Variants in GRID2 observed in about 807,000 individuals in gnomAD.
The protein encoded by GRID2 is glutamate ionotropic receptor delta type subunit 2, also known as glutamate receptor ionotropic, delta-2.
In GRID2, 33 loss-of-function variants were observed where a neutral mutation model predicts 114.8. The ratio of observed to expected loss-of-function variants is 0.29; its 90% CI spans 0.22 to 0.38. The LOEUF (loss-of-function observed/expected upper bound fraction) is 0.38, where lower values mean the gene tolerates loss of function less well. Among genes scored for constraint, GRID2 ranks in the 10% least tolerant of loss-of-function variants. GRID2 has a pLI of 1.00. For missense variants in GRID2, 1,184 were observed against 1,257.7 expected, an observed-to-expected ratio of 0.94 and a Z score of 0.89; for synonymous variants, 505 against 449.9, an observed-to-expected ratio of 1.12 and a Z score of -1.55.
chr4:93,400,805 A>G (rs1355853197), intron 9 of GRID2, among the ~76,000 whole-genome samples: 2 of 151,968 alleles, frequency 1.3e-5, no homozygotes, highest in Admixed American at 6.6e-5. Context: ...TTCACACAAA[A>G]CAGTCAAAGA....
intron 13 of GRID2, among the ~76,000 whole-genome samples, chr4:93,578,494 A>G (rs1268855695): frequency 6.6e-6 from 1 of 152,042 alleles, no homozygotes; most frequent in African/African-American, 2.4e-5. Flanking sequence ...TTTACTTAGG[A>G]TGAGAAAAGC....
chr4:92,807,874 T>G, intron 2 of GRID2, among the ~76,000 whole-genome samples: 1 of 151,982 alleles, frequency 6.6e-6, no homozygotes, highest in African/African-American at 2.4e-5. Context: ...TAAATGAACA[T>G]TATTAAGTAT....
intron 13 of GRID2, among the ~76,000 whole-genome samples, chr4:93,605,001 G>T (rs899143379): frequency 6.6e-6 from 1 of 152,156 alleles, no homozygotes. Context: ...TGAACCTGCA[G>T]TATCTCTGAG....
chr4:92,384,073 G>T (rs1465834255), intron 1 of GRID2, among the ~76,000 whole-genome samples: 1 of 151,680 alleles, frequency 6.6e-6, no homozygotes, highest in African/African-American at 2.4e-5. Context: ...GACAATGTGT[G>T]AGTGAAGTAG....
At chr4:92,651,222 A>T (rs1585761) in intron 2 of GRID2, among the ~76,000 whole-genome samples, 2 of 151,960 alleles carry the variant, frequency 1.3e-5, no homozygotes, top group Admixed American at 6.6e-5. Flanking sequence ...TCCATGATGG[A>T]AACAGTCCGA....
chr4:92,888,897 A>G (rs1010614945), intron 2 of GRID2, among the ~76,000 whole-genome samples: 21 of 152,028 alleles, frequency 1.4e-4, no homozygotes, highest in African/African-American at 4.8e-4. Context: ...TCAATGTTTC[A>G]TGCTACATAT....
At chr4:92,926,633 G>C (rs188151815) in intron 2 of GRID2, among the ~76,000 whole-genome samples, 259 of 151,946 alleles carry the variant, frequency 1.7e-3, no homozygotes, top group Middle Eastern at 0.014. Context: ...TGGTAAAATA[G>C]CGTTATTTAC....
At chr4:92,349,395 T>C (rs1388978712) in intron 1 of GRID2, among the ~76,000 whole-genome samples, 1 of 151,884 alleles carries the variant, frequency 6.6e-6, no homozygotes, top group East Asian at 1.9e-4. Context: ...ATCTCAGAGA[T>C]GTCAGTCTAT....
intron 2 of GRID2, among the ~76,000 whole-genome samples, chr4:92,697,225 T>C (rs1242518624): frequency 6.6e-6 from 1 of 152,174 alleles, no homozygotes; most frequent in African/African-American, 2.4e-5. Flanking sequence ...CTTGTTGTCT[T>C]AATGACCATG....
chr4:93,516,665 G>T (rs1180443230), intron 13 of GRID2, among the ~76,000 whole-genome samples: 1 of 152,104 alleles, frequency 6.6e-6, no homozygotes, highest in Non-Finnish European at 1.5e-5. Flanking sequence ...CGGGTTGAGA[G>T]ATGGATCCAA....
chr4:93,490,865 A>G (rs1726928604), intron 12 of GRID2, 88 bp downstream of exon 12: 2 of 849,732 alleles, frequency 2.4e-6, no homozygotes, highest in Non-Finnish European at 3.8e-6. Flanking sequence ...GTGGTGTCTC[A>G]TAATAAATGT....
intron 1 of GRID2, among the ~76,000 whole-genome samples, chr4:92,525,905 G>T (rs1022642152): frequency 5.3e-5 from 8 of 152,064 alleles, no homozygotes; most frequent in African/African-American, 1.9e-4. Context: ...GAAGTTAAAG[G>T]GCTCTAAGTT....
intron 2 of GRID2, among the ~76,000 whole-genome samples, chr4:92,849,234 AC>A (rs1167278337): frequency 6.6e-6 from 1 of 151,938 alleles, no homozygotes; most frequent in Admixed American, 6.6e-5. Flanking sequence ...CATCTTGAGT[AC>A]TATAATTTAC....
At chr4:93,259,450 T>TGG (rs1467916980) in intron 8 of GRID2, among the ~76,000 whole-genome samples, 1 of 151,864 alleles carries the variant, frequency 6.6e-6, no homozygotes, top group East Asian at 1.9e-4. Flanking sequence ...TTTTTTAAAA[T>TGG]GATTTCACAG....
chr4:93,398,749 G>GTTTTTTTCCTT (rs1765596190), intron 9 of GRID2, among the ~76,000 whole-genome samples: 1 of 116,106 alleles, frequency 8.6e-6, no homozygotes, highest in Non-Finnish European at 1.9e-5. Flanking sequence ...TGGAAGCAGT[G>GTTTTTTTCCTT]TTTTTTTTTT....
At chr4:93,513,849 A>T (rs1729436555) in intron 12 of GRID2, among the ~76,000 whole-genome samples, 1 of 152,184 alleles carries the variant, frequency 6.6e-6, no homozygotes, top group Non-Finnish European at 1.5e-5. Flanking sequence ...TACATGATGG[A>T]GATTGGTGAA....
At chr4:92,322,478 C>T (rs1311531595) in intron 1 of GRID2, among the ~76,000 whole-genome samples, 2 of 151,912 alleles carry the variant, frequency 1.3e-5, no homozygotes, top group African/African-American at 4.8e-5. Flanking sequence ...ATCCCATTTA[C>T]CCTGATGTGA....
intron 2 of GRID2, among the ~76,000 whole-genome samples, chr4:93,016,062 A>AGTGTGTGTGTGTGTGAGT (rs1722675327): frequency 6.7e-6 from 1 of 148,262 alleles, no homozygotes; most frequent in African/African-American, 2.5e-5. Flanking sequence ...TGTGTGTGTG[A>AGTGTGTGTGTGTGTGAGT]GTGTGTGTGT....
At chr4:93,279,434 T>G (rs953260183) in intron 8 of GRID2, among the ~76,000 whole-genome samples, 38 of 151,856 alleles carry the variant, frequency 2.5e-4, no homozygotes, top group Admixed American at 1.1e-3. Context: ...AAACAAAAAG[T>G]AGGTCATCCT....
Sources: gnomAD v4.1 joint callset for allele counts (sites outside exome capture counted in the v4.1 genomes callset) on GRCh38, gnomAD v4.1.1 for gene constraint, MANE v1.5 for transcripts, NCBI Gene and HGNC (gene_info 2026-07-23, HGNC 2026-07-21) for gene names.